The following SMYD3 variants were observed in gnomAD, a reference collection of about 807,000 sequenced individuals.
SMYD3 encodes the protein SET and MYND domain containing 3, also known as histone-lysine N-methyltransferase SMYD3.
Under a neutral mutation model 57.7 loss-of-function variants are expected in SMYD3, and 36 were observed. The observed-to-expected ratio is 0.62, with a 90% CI of 0.48 to 0.82. SMYD3 has a LOEUF of 0.82. SMYD3 is among the 40% of genes least tolerant of loss of function. The pLI is 0.00. For synonymous variants in SMYD3, 211 were observed against 195.0 expected (o/e 1.08, Z -0.68); for missense variants, 515 against 538.8 (o/e 0.96, Z 0.44).
chr1:246,229,297 AT>A lies in SMYD3; in HGVS notation c.531+97903del, dbSNP rs202094829. 1.7e-3 allele frequency among the ~76,000 whole-genome samples: 260 copies of A among 152,154 alleles called. 1 individual carries two copies. The highest frequency in any genetic ancestry group is 6.1e-3 in the African/African-American group (254 of 41,526). ...TCTTTGAAATCCATTTATCTTACTAATTTTAAAAAAAAGGGATTAGTGTCTA... is the reference window on the plus strand; with the variant it reads ...TCTTTGAAATCCATTTATCTTACTAATTTAAAAAAAAGGGATTAGTGTCTA... On this transcript the variant is annotated intron_variant, in intron 5 of 11. Coordinates refer to ENST00000490107, the MANE Select transcript of SMYD3 (RefSeq NM_001167740.2).
At chr1:246,281,829 A>G (rs1424021246) in intron 5 of SMYD3, among the ~76,000 whole-genome samples, 3 of 152,212 alleles carry the variant, frequency 2.0e-5, no homozygotes, top group Non-Finnish European at 4.4e-5. Flanking sequence ...GTTCCAAGAC[A>G]TAAGTAAACA....
At chr1:245,885,105 C>T (rs1313557028) in intron 8 of SMYD3, among the ~76,000 whole-genome samples, 1 of 152,046 alleles carries the variant, frequency 6.6e-6, no homozygotes, top group Non-Finnish European at 1.5e-5. Flanking sequence ...CTGTACACGC[C>T]ACCTTTAAGA....
At position 246,469,246 on chromosome 1, in the gene SMYD3, C is replaced by T. The variant is rs778262157; in HGVS notation, c.164+37808G>A. Among the ~76,000 whole-genome samples, 8 of 152,200 alleles carry T rather than the reference C, an allele frequency of 5.3e-5. 1 individual carries two copies. The highest frequency in any genetic ancestry group is 2.6e-4 in the Admixed American group (4 of 15,282). The stretch of plus-strand genomic sequence containing the variant: ...CACCTCCCAAACAGAGGAGGTCTCA[C>T]CAACGACTTCTTCAATCTTGGTCTT... On this transcript the variant is annotated intron_variant, in intron 1 of 11. Coordinates refer to ENST00000490107, the MANE Select transcript of SMYD3 (RefSeq NM_001167740.2).
At chr1:246,323,490 T>C (rs1307176221) in intron 5 of SMYD3, among the ~76,000 whole-genome samples, 1 of 152,146 alleles carries the variant, frequency 6.6e-6, no homozygotes, top group African/African-American at 2.4e-5. Context: ...GTGTTCAAAA[T>C]ACAAACTGCC....
At chr1:245,833,327 G>A (rs10754474) in intron 10 of SMYD3, among the ~76,000 whole-genome samples, 104,734 of 152,022 alleles carry the variant, frequency 0.69, 37,623 homozygotes, top group Non-Finnish European at 0.81. Flanking sequence ...TCTCTTTTAT[G>A]TTCTGTTCTG....
chr1:245,989,680 A>G (rs2058776822), intron 5 of SMYD3, among the ~76,000 whole-genome samples: 1 of 152,254 alleles, frequency 6.6e-6, no homozygotes, highest in Admixed American at 6.5e-5. Flanking sequence ...AACATTCTCC[A>G]TCTTGCACTG....
intron 1 of SMYD3, among the ~76,000 whole-genome samples, chr1:246,443,961 T>C (rs1304540870): frequency 6.6e-6 from 1 of 152,024 alleles, no homozygotes; most frequent in Non-Finnish European, 1.5e-5. Context: ...AAACCCTCCC[T>C]CACCACCCAT....
chr1:245,974,347 C>G (rs2058373678), intron 5 of SMYD3, among the ~76,000 whole-genome samples: 1 of 152,166 alleles, frequency 6.6e-6, no homozygotes, highest in East Asian at 1.9e-4. Context: ...AAAACCTTCC[C>G]CCATTTCTCC....
At chr1:246,160,227 AG>A (rs1558277792) in intron 5 of SMYD3, among the ~76,000 whole-genome samples, 2 of 152,226 alleles carry the variant, frequency 1.3e-5, no homozygotes, top group African/African-American at 4.8e-5. Context: ...TCACATTTAT[AG>A]GAAGTGTTTA....
At position 246,232,570 on chromosome 1, in the gene SMYD3, A is replaced by G. The variant is rs556504336; in HGVS notation, c.531+94631T>C. 2.0e-5 allele frequency among the ~76,000 whole-genome samples: 3 copies of G among 146,770 alleles called. No individual in the cohort carries two copies. In the East Asian group the frequency reaches 6.2e-4, roughly 30 times the overall value. ...ACCACACAGAGGAGAAGCGCTCCTC[A>G]ATTCACACTGTGATGAACATATACC... On this transcript the variant is annotated intron_variant, in intron 5 of 11. Transcript: ENST00000490107.
intron 10 of SMYD3, among the ~76,000 whole-genome samples, chr1:245,775,280 G>A (rs981503778): frequency 6.6e-6 from 1 of 152,216 alleles, no homozygotes; most frequent in Non-Finnish European, 1.5e-5. Flanking sequence ...TGGAAGGGGG[G>A]AAGTGTGGGG....
chr1:246,116,059 GA>G (rs2061337040), intron 5 of SMYD3, among the ~76,000 whole-genome samples: 1 of 152,162 alleles, frequency 6.6e-6, no homozygotes, highest in Non-Finnish European at 1.5e-5. Context: ...AGAATTGCTT[GA>G]ACCTGGGAGG....
At chr1:246,424,528 G>GA (rs2067189133) in intron 1 of SMYD3, among the ~76,000 whole-genome samples, 1 of 152,140 alleles carries the variant, frequency 6.6e-6, no homozygotes, top group Non-Finnish European at 1.5e-5. Flanking sequence ...GAATAAAGCT[G>GA]AAAACCAACA....
intron 1 of SMYD3, 133 bp downstream of exon 1, chr1:246,506,921 G>T: frequency 1.2e-6 from 1 of 838,202 alleles, no homozygotes; most frequent in Non-Finnish European, 1.7e-6. Context: ...CGCGCGTCAG[G>T]GGCAGCACCG....
chr1:246,439,637 G>GA (rs910054035), intron 1 of SMYD3, among the ~76,000 whole-genome samples: 14 of 123,710 alleles, frequency 1.1e-4, no homozygotes, highest in Non-Finnish European at 1.6e-4. Context: ...TGACTCTTAA[G>GA]AAAAAAAAGA....
intron 5 of SMYD3, among the ~76,000 whole-genome samples, chr1:246,042,451 C>T (rs2148297825): frequency 6.6e-6 from 1 of 152,228 alleles, no homozygotes; most frequent in South Asian, 2.1e-4. Flanking sequence ...AGCTCAGCAC[C>T]TTCCACAGGT....
intron 1 of SMYD3, among the ~76,000 whole-genome samples, chr1:246,485,585 C>G (rs2068173494): frequency 6.6e-6 from 1 of 150,528 alleles, no homozygotes; most frequent in African/African-American, 2.5e-5. Flanking sequence ...TGTTCAAGCC[C>G]AGCCTGGGCA....
chr1:246,059,914 G>T (rs1054499923), intron 5 of SMYD3, among the ~76,000 whole-genome samples: 1 of 152,104 alleles, frequency 6.6e-6, no homozygotes, highest in African/African-American at 2.4e-5. Flanking sequence ...AGACAGTACA[G>T]AATACTTAAG....
intron 5 of SMYD3, among the ~76,000 whole-genome samples, chr1:246,184,097 T>C (rs527432597): frequency 6.6e-6 from 1 of 152,300 alleles, no homozygotes; most frequent in East Asian, 1.9e-4. Context: ...CAGGTTGTAT[T>C]TTTCCCTAAG....
Sources: allele counts gnomAD v4.1 joint callset (sites outside exome capture counted in the v4.1 genomes callset), GRCh38; gene constraint gnomAD v4.1.1; transcripts MANE v1.5; gene names NCBI Gene and HGNC (gene_info 2026-07-23, HGNC 2026-07-21).